Variants in ATP2B2 observed in about 807,000 individuals in gnomAD.
ATP2B2 encodes the protein plasma membrane calcium-transporting ATPase 2.
ATP2B2 carries 15 observed loss-of-function variants against 120.0 expected under a neutral mutation model. That is an observed-to-expected ratio of 0.12 (90% CI 0.08 to 0.19). The LOEUF (loss-of-function observed/expected upper bound fraction) is 0.19, where lower values mean the gene tolerates loss of function less well. Ranked by LOEUF, ATP2B2 falls within the 10% of genes least tolerant of loss-of-function variation. ATP2B2 has a pLI of 1.00. For synonymous variants in ATP2B2, 694 were observed against 700.3 expected, an observed-to-expected ratio of 0.99 and a Z score of 0.14; for missense variants, 1,045 against 1,719.8, an observed-to-expected ratio of 0.61 and a Z score of 6.94.
At chr3:10,522,771 C>T (rs1194809766) in intron 3 of ATP2B2, among the ~76,000 whole-genome samples, 1 of 152,180 alleles carries the variant, frequency 6.6e-6, no homozygotes, top group South Asian at 2.1e-4. Flanking sequence ...CCTCCTTTTA[C>T]AGATGAAGAA....
At chr3:10,653,725 T>G (rs1045651934) in intron 1 of ATP2B2, among the ~76,000 whole-genome samples, 3 of 152,214 alleles carry the variant, frequency 2.0e-5, no homozygotes, top group African/African-American at 7.2e-5. Context: ...GTGCCATTAT[T>G]GCCCTCCCTT....
chr3:10,588,179 G>C (rs1312892723), intron 2 of ATP2B2, among the ~76,000 whole-genome samples: 1 of 152,228 alleles, frequency 6.6e-6, no homozygotes, highest in East Asian at 1.9e-4. Context: ...TTTAGGGCTA[G>C]AAAATTCTTG....
chr3:10,467,357 A>C (rs996380165), intron 1 of ATP2B2, among the ~76,000 whole-genome samples: 7 of 151,978 alleles, frequency 4.6e-5, no homozygotes, highest in Non-Finnish European at 5.9e-5. Flanking sequence ...ACTCCTATTC[A>C]CCCTTGAGAG....
intron 5 of ATP2B2, among the ~76,000 whole-genome samples, chr3:10,397,647 A>T (rs945291066): frequency 5.3e-5 from 8 of 152,278 alleles, no homozygotes; most frequent in Admixed American, 3.9e-4. Flanking sequence ...GCCTCAGCAG[A>T]GGCAGATTGA....
At chr3:10,707,968 CGCTGGT>C (rs2071924974) in exon 1 of ATP2B2, 1 of 148,424 alleles carries the variant, frequency 6.7e-6, no homozygotes. Flanking sequence ...CCGCCGCTGC[CGCTGGT>C]GCGCGCCCGG....
At chr3:10,473,569 G>T (rs34879) in intron 1 of ATP2B2, among the ~76,000 whole-genome samples, 90,249 of 152,072 alleles carry the variant, frequency 0.59, 28,231 homozygotes, top group African/African-American at 0.71. Context: ...GAGGCAAGTT[G>T]GCAGTGAGCC....
At position 10,487,823 on chromosome 3, in the gene ATP2B2, C is replaced by A. The variant is rs1480963170; in HGVS notation, c.-320+17642G>T. ...CAACAGTACTCGCATCCTGTCATGTCCCTGTACAATAACCTGCAATGGCTC... is the reference window on the plus strand; with the variant it reads ...CAACAGTACTCGCATCCTGTCATGTACCTGTACAATAACCTGCAATGGCTC... On this transcript the variant is annotated intron_variant, in intron 1 of 22. Transcript: ENST00000360273. Among the ~76,000 whole-genome samples, 4 of 152,200 alleles carry A rather than the reference C, an allele frequency of 2.6e-5. No individual in the cohort carries two copies. The East Asian group carries it at 7.7e-4, about 29-fold the overall frequency.
rs60004091 is a variant in ATP2B2 at position 10,619,201 on chromosome 3, C to T, written c.-415+716G>A. Among the ~76,000 whole-genome samples the T allele has an allele frequency of 7.7e-3, 1,176 of 152,194 alleles. 89 individuals are homozygous for T. The East Asian group carries it at 0.17, about 22-fold the overall frequency. On this transcript the variant is annotated intron_variant, in intron 2 of 21. Coordinates refer to the ATP2B2 transcript ENST00000646379. The stretch of plus-strand genomic sequence containing the variant: ...TTGTTTGTAAACAGATGGCTCAGAG[C>T]CTCAAGCTTGTTTTCTCGGGGACAC...
chr3:10,599,143 A>T (rs2068838739), intron 2 of ATP2B2, among the ~76,000 whole-genome samples: 2 of 152,202 alleles, frequency 1.3e-5, no homozygotes, highest in South Asian at 4.1e-4. Context: ...CTAGCAGAGG[A>T]GACTCAAACA....
chr3:10,649,038 C>T (rs1003120140), intron 1 of ATP2B2, among the ~76,000 whole-genome samples: 7 of 152,230 alleles, frequency 4.6e-5, no homozygotes, highest in Non-Finnish European at 7.3e-5. Context: ...CCTGCACCTC[C>T]AGTGCAGCAG....
chr3:10,375,341 T>A lies in ATP2B2; in HGVS notation c.1416+89A>T. On this transcript the variant is annotated intron_variant, in intron 11 of 22. Transcript: ENST00000360273. The surrounding 1 kb of genome is among the most constrained non-coding windows in gnomAD (Gnocchi z 4.2). ...GGTCTATGGGGCTTCTTCGTTCATC[T>A]CCCAACCCCAGCACCAGCCCCAGTG... The A allele has an allele frequency of 8.2e-7, 1 of 1,216,404 alleles. No homozygotes were observed. Among genetic ancestry groups the A allele is most frequent in the South Asian group, 1.2e-5 (1 of 81,282 alleles). The allele number at this position is 1,216,404 out of a possible 1,614,324, so 75.4% of individuals were successfully genotyped here. A position where few individuals can be genotyped will look rare whatever the true frequency, so the allele number is the denominator to read the frequency against.
Position 10,520,160 on chromosome 3 carries a change from T to A in ATP2B2, c.-320+13879A>T, listed in dbSNP as rs542145673. 5.3e-4 allele frequency among the ~76,000 whole-genome samples: 81 copies of A among 152,232 alleles called. 2 individuals are homozygous for A. Among genetic ancestry groups the A allele is most frequent in the Admixed American group, 4.2e-3 (65 of 15,298 alleles). ...TCTGGATTCTGGAATTGAAGAGAGG[T>A]GTCGGCTGCCTGTCCTTAGCCAGAA... On this transcript the variant is annotated intron_variant, in intron 3 of 21. Coordinates refer to the ATP2B2 transcript ENST00000646379.
intron 8 of ATP2B2, among the ~76,000 whole-genome samples, chr3:10,380,298 T>G (rs985450054): frequency 2.6e-5 from 4 of 152,210 alleles, no homozygotes; most frequent in Admixed American, 6.5e-5. Flanking sequence ...TCCCATCTAC[T>G]GGGCCTGCAC....
At chr3:10,653,463 G>T (rs371180057) in intron 1 of ATP2B2, among the ~76,000 whole-genome samples, 1 of 152,148 alleles carries the variant, frequency 6.6e-6, no homozygotes, top group African/African-American at 2.4e-5. Context: ...GGACCCACTT[G>T]GGGGGCGTCA....
At chr3:10,538,082 C>T (rs13088670) in intron 2 of ATP2B2, among the ~76,000 whole-genome samples, 8,654 of 152,242 alleles carry the variant, frequency 0.057, 401 homozygotes, top group East Asian at 0.25. Context: ...ATACACATGA[C>T]GGATGTTAAG....
intron 2 of ATP2B2, among the ~76,000 whole-genome samples, chr3:10,446,001 A>G (rs1559347857): frequency 1.3e-5 from 2 of 152,346 alleles, no homozygotes; most frequent in East Asian, 3.9e-4. Context: ...CCTACAGTGG[A>G]TGCCAGAGGA....
At chr3:10,671,169 T>C (rs1466987019) in intron 1 of ATP2B2, among the ~76,000 whole-genome samples, 2 of 152,206 alleles carry the variant, frequency 1.3e-5, no homozygotes, top group Non-Finnish European at 2.9e-5. Flanking sequence ...TTAGGATCCC[T>C]CTTGAATCTC....
chr3:10,457,182 G>T (rs2064295472), intron 1 of ATP2B2, among the ~76,000 whole-genome samples: 1 of 151,894 alleles, frequency 6.6e-6, no homozygotes, highest in African/African-American at 2.4e-5. Context: ...ACCAGTGTGA[G>T]TGTGCATGGC....
intron 1 of ATP2B2, among the ~76,000 whole-genome samples, chr3:10,666,707 G>T (rs190954988): frequency 2.0e-5 from 3 of 152,346 alleles, no homozygotes; most frequent in Admixed American, 2.0e-4. Context: ...AATGAAGGAG[G>T]CTCAGTCCCT....
Sources: gnomAD v4.1 joint callset for allele counts (sites outside exome capture counted in the v4.1 genomes callset) on GRCh38, gnomAD v4.1.1 for gene constraint, Gnocchi (gnomAD v3.1) non-coding constraint, MANE v1.5 for transcripts, NCBI Gene and HGNC (gene_info 2026-07-23, HGNC 2026-07-21) for gene names.